Variants in ARHGAP24 observed in about 807,000 individuals in gnomAD.
The protein encoded by ARHGAP24 is Rho GTPase activating protein 24, also known as rho GTPase-activating protein 24.
ARHGAP24 carries 50 observed loss-of-function variants against 76.4 expected under a neutral mutation model. The ratio of observed to expected loss-of-function variants is 0.65; its 90% CI spans 0.52 to 0.83. The LOEUF is 0.83. Among genes scored for constraint, ARHGAP24 ranks in the 40% least tolerant of loss-of-function variants. The pLI, the probability that ARHGAP24 is intolerant of heterozygous loss-of-function variation, is 0.00. For synonymous variants in ARHGAP24, 345 were observed against 323.3 expected, an observed-to-expected ratio of 1.07 and a Z score of -0.72; for missense variants, 930 against 914.2, an observed-to-expected ratio of 1.02 and a Z score of -0.22.
chr4:85,571,304 T>A (rs1727131348), intron 2 of ARHGAP24, among the ~76,000 whole-genome samples: 1 of 152,248 alleles, frequency 6.6e-6, no homozygotes, highest in Non-Finnish European at 1.5e-5. Context: ...GCTTATTTAC[T>A]TATTTTCTCA....
In ARHGAP24 at chr4:85,937,094, G is replaced by A. The variant is rs78818675; in HGVS notation, c.392-4972G>A. 6.5e-3 allele frequency among the ~76,000 whole-genome samples: 992 copies of A among 152,284 alleles called. 11 individuals are homozygous for A. Among genetic ancestry groups the A allele is most frequent in the South Asian group, 0.048 (229 of 4,820 alleles). ...GTAAAGCAGAAGAGCGGCATGATCCGATTGAAATATTACAAAGTCCACCAT... is the reference window on the plus strand; with the variant it reads ...GTAAAGCAGAAGAGCGGCATGATCCAATTGAAATATTACAAAGTCCACCAT... On this transcript the variant is annotated intron_variant, in intron 4 of 9. Transcript: ENST00000395184.
At chr4:85,526,246 T>C (rs1011820311) in intron 1 of ARHGAP24, among the ~76,000 whole-genome samples, 18 of 151,720 alleles carry the variant, frequency 1.2e-4, no homozygotes, top group African/African-American at 4.4e-4. Context: ...TCCGTCTCTA[T>C]AAAAATTAGC....
chr4:85,883,908 C>T (rs569673364), intron 3 of ARHGAP24, among the ~76,000 whole-genome samples: 1 of 152,256 alleles, frequency 6.6e-6, no homozygotes, highest in South Asian at 2.1e-4. Flanking sequence ...AGGAAAAGCA[C>T]ACTGGTCCTC....
At chr4:85,667,405 C>G (rs1350974211) in intron 2 of ARHGAP24, among the ~76,000 whole-genome samples, 2 of 152,228 alleles carry the variant, frequency 1.3e-5, no homozygotes, top group East Asian at 3.9e-4. Context: ...ATCTGTCACC[C>G]CTGTCTTTGA....
intron 3 of ARHGAP24, among the ~76,000 whole-genome samples, chr4:85,891,163 AG>A (rs1733868280): frequency 6.6e-6 from 1 of 152,110 alleles, no homozygotes; most frequent in South Asian, 2.1e-4. Flanking sequence ...CTAGGACCTA[AG>A]GGGGACGTTA....
At chr4:85,754,909 G>C (rs1440890743) in intron 3 of ARHGAP24, among the ~76,000 whole-genome samples, 2 of 152,156 alleles carry the variant, frequency 1.3e-5, no homozygotes, top group Non-Finnish European at 2.9e-5. Flanking sequence ...GATTATTTCT[G>C]TCCTGTCTAC....
intron 3 of ARHGAP24, among the ~76,000 whole-genome samples, chr4:85,909,647 A>G (rs1734958365): frequency 6.6e-6 from 1 of 152,176 alleles, no homozygotes; most frequent in African/African-American, 2.4e-5. Context: ...AGTGTTAATT[A>G]ATGATGGAAT....
chr4:85,680,097 T>A (rs1723146262), intron 2 of ARHGAP24, among the ~76,000 whole-genome samples: 1 of 152,124 alleles, frequency 6.6e-6, no homozygotes, highest in African/African-American at 2.4e-5. Flanking sequence ...CCAGGAAAAG[T>A]GCATCATCAA....
intron 3 of ARHGAP24, among the ~76,000 whole-genome samples, chr4:85,774,022 A>G (rs1275691330): frequency 4.6e-5 from 7 of 152,200 alleles, no homozygotes; most frequent in Non-Finnish European, 1.0e-4. Flanking sequence ...GTGCTCAGGC[A>G]AGAAATTCCC....
chr4:85,722,500 T>G (rs1285880590), intron 3 of ARHGAP24: 2 of 159,424 alleles, frequency 1.3e-5, no homozygotes, highest in African/African-American at 4.8e-5. Flanking sequence ...AACCAACCAC[T>G]TCCACATGTT....
At chr4:85,506,899 T>TC (rs1305639400) in intron 1 of ARHGAP24, among the ~76,000 whole-genome samples, 13 of 12,180 alleles carry the variant, frequency 1.1e-3, no homozygotes, top group African/African-American at 1.9e-3. Flanking sequence ...AGCCTTTTTT[T>TC]TTCCCCCCAT....
chr4:85,569,767 C>T (rs1469701398), intron 1 of ARHGAP24, among the ~76,000 whole-genome samples: 6 of 152,162 alleles, frequency 3.9e-5, no homozygotes, highest in Admixed American at 3.9e-4. Context: ...AGGGAATAGT[C>T]TGGGAAACAG....
At chr4:85,816,494 G>A (rs1307182396) in intron 3 of ARHGAP24, among the ~76,000 whole-genome samples, 2 of 152,060 alleles carry the variant, frequency 1.3e-5, no homozygotes, top group Non-Finnish European at 1.5e-5. Context: ...TTAAGGCTAA[G>A]TTTTCAACAT....
intron 3 of ARHGAP24, among the ~76,000 whole-genome samples, chr4:85,794,984 T>C (rs1294379483): frequency 1.3e-5 from 2 of 152,138 alleles, no homozygotes; most frequent in East Asian, 3.9e-4. Flanking sequence ...AACAACAGCT[T>C]GAGAAGTATA....
chr4:85,614,094 G>A (rs1485631474), intron 2 of ARHGAP24, among the ~76,000 whole-genome samples: 1 of 151,906 alleles, frequency 6.6e-6, no homozygotes, highest in South Asian at 2.1e-4. Context: ...AACTTTATTG[G>A]CAAAAAATGA....
intron 3 of ARHGAP24, among the ~76,000 whole-genome samples, chr4:85,753,287 G>T (rs1360884230): frequency 6.6e-6 from 1 of 151,964 alleles, no homozygotes; most frequent in African/African-American, 2.4e-5. Flanking sequence ...TTCTTTTTCT[G>T]GGTTATGGGC....
intron 1 of ARHGAP24, among the ~76,000 whole-genome samples, chr4:85,561,839 G>A (rs114657600): frequency 0.012 from 1,762 of 152,296 alleles, 18 homozygotes; most frequent in Middle Eastern, 0.027. Flanking sequence ...TGCCAAAGGG[G>A]AGACAGAGAA....
At chr4:85,545,853 T>C (rs528123671) in intron 1 of ARHGAP24, among the ~76,000 whole-genome samples, 13 of 152,294 alleles carry the variant, frequency 8.5e-5, no homozygotes, top group African/African-American at 2.9e-4. Flanking sequence ...CATAAATAGT[T>C]TGATAACCAA....
At chr4:85,906,754 G>A (rs1220875089) in intron 3 of ARHGAP24, among the ~76,000 whole-genome samples, 3 of 152,060 alleles carry the variant, frequency 2.0e-5, no homozygotes, top group Admixed American at 6.6e-5. Flanking sequence ...GTAGTTATTA[G>A]CATCATGGAA....
Sources: allele counts gnomAD v4.1 joint callset (sites outside exome capture counted in the v4.1 genomes callset), GRCh38; gene constraint gnomAD v4.1.1; transcripts MANE v1.5; gene names NCBI Gene and HGNC (gene_info 2026-07-23, HGNC 2026-07-21).